ARID1B: variants seen among roughly 807,000 people sequenced by gnomAD.
The protein encoded by ARID1B is AT-rich interactive domain-containing protein 1B.
Under a neutral mutation model 212.3 loss-of-function variants are expected in ARID1B, and 30 were observed. The ratio of observed to expected loss-of-function variants is 0.14; its 90% confidence interval spans 0.11 to 0.19. The LOEUF (loss-of-function observed/expected upper bound fraction) is 0.19, where lower values mean the gene tolerates loss of function less well. ARID1B is among the 10% of genes least tolerant of loss of function. ARID1B has a pLI of 1.00. For missense variants in ARID1B, 2,891 were observed against 3,204.0 expected, an observed-to-expected ratio of 0.90 and a Z score of 2.36; for synonymous variants, 1,402 against 1,301.7, an observed-to-expected ratio of 1.08 and a Z score of -1.66.
intron 2 of ARID1B, among the ~76,000 whole-genome samples, chr6:156,857,241 A>G (rs1263731749): frequency 6.6e-6 from 1 of 152,228 alleles, no homozygotes; most frequent in African/African-American, 2.4e-5. Flanking sequence ...TGAAGTGTCA[A>G]AAGCTGAACT....
chr6:156,920,787 G>C (rs766043602), intron 3 of ARID1B, among the ~76,000 whole-genome samples: 1 of 152,010 alleles, frequency 6.6e-6, no homozygotes, highest in African/African-American at 2.4e-5. Flanking sequence ...TCAGGAAGTC[G>C]GGCAGGGAAG....
At chr6:157,111,172 G>A (rs914436209) in intron 6 of ARID1B, 1 of 153,294 alleles carries the variant, frequency 6.5e-6, no homozygotes, top group African/African-American at 2.4e-5. Flanking sequence ...GAAACCTTTG[G>A]AGAGAAGTGG....
At chr6:156,823,540 T>C (rs1247040362) in intron 1 of ARID1B, among the ~76,000 whole-genome samples, 3 of 152,188 alleles carry the variant, frequency 2.0e-5, no homozygotes, top group African/African-American at 4.8e-5. Flanking sequence ...TCAAAAGTTT[T>C]CTTTAGTTAC....
At chr6:156,797,851 G>A (rs527616770) in intron 1 of ARID1B, among the ~76,000 whole-genome samples, 2 of 152,290 alleles carry the variant, frequency 1.3e-5, no homozygotes, top group Admixed American at 6.5e-5. Flanking sequence ...GTGCCTGGGC[G>A]TTCTAGGGGG....
chr6:157,076,162 C>T (rs1455676436), intron 4 of ARID1B, among the ~76,000 whole-genome samples: 1 of 152,132 alleles, frequency 6.6e-6, no homozygotes, highest in Non-Finnish European at 1.5e-5. Context: ...AGAACAAATA[C>T]ATTTTTTCTT....
chr6:156,803,526 T>G (rs997225533), intron 1 of ARID1B, among the ~76,000 whole-genome samples: 4 of 152,204 alleles, frequency 2.6e-5, no homozygotes, highest in African/African-American at 4.8e-5. Context: ...AGACTTACCT[T>G]TGCCTTCGTT....
At chr6:156,901,770 A>T in intron 3 of ARID1B, 1 of 560,058 alleles carries the variant, frequency 1.8e-6, no homozygotes, top group South Asian at 2.4e-5. Context: ...GTGGCAGCAG[A>T]AAGTGTCAGT....
chr6:157,137,545 GTTT>G (rs954178657), intron 7 of ARID1B, among the ~76,000 whole-genome samples: 16 of 152,160 alleles, frequency 1.1e-4, no homozygotes, highest in Non-Finnish European at 1.5e-5. Context: ...TATCTTGTTT[GTTT>G]TTTGTGTTCT....
At chr6:157,019,330 A>AT in intron 4 of ARID1B, among the ~76,000 whole-genome samples, 1 of 152,296 alleles carries the variant, frequency 6.6e-6, no homozygotes, top group African/African-American at 2.4e-5. Flanking sequence ...TATTTCAGGA[A>AT]TGGTCAGATG....
intron 4 of ARID1B, among the ~76,000 whole-genome samples, chr6:157,044,300 TG>T (rs1457963048): frequency 6.6e-6 from 1 of 152,006 alleles, no homozygotes; most frequent in Non-Finnish European, 1.5e-5. Flanking sequence ...TTTTCAACTG[TG>T]GAAAATGTGT....
At chr6:156,888,695 A>G (rs1038484812) in intron 2 of ARID1B, among the ~76,000 whole-genome samples, 6 of 152,296 alleles carry the variant, frequency 3.9e-5, no homozygotes, top group Non-Finnish European at 8.8e-5. Context: ...CCGTGAGGCA[A>G]GGCAGCTCAG....
At chr6:157,073,696 G>GT (rs1222787560) in intron 4 of ARID1B, among the ~76,000 whole-genome samples, 1 of 152,160 alleles carries the variant, frequency 6.6e-6, no homozygotes, top group Non-Finnish European at 1.5e-5. Flanking sequence ...CTTGCTTAAG[G>GT]TTAGGTGAAG....
intron 4 of ARID1B, among the ~76,000 whole-genome samples, chr6:157,078,647 A>G (rs563016542): frequency 1.3e-5 from 2 of 152,336 alleles, no homozygotes; most frequent in Admixed American, 6.5e-5. Flanking sequence ...GGATGGCAAC[A>G]TGTTCCATAT....
chr6:157,052,410 A>G (rs1482831107), intron 4 of ARID1B, among the ~76,000 whole-genome samples: 1 of 152,174 alleles, frequency 6.6e-6, no homozygotes, highest in Non-Finnish European at 1.5e-5. Context: ...TGCTACTCAA[A>G]TAAGTTTTGT....
At chr6:157,058,100 G>A (rs1404177790) in intron 4 of ARID1B, among the ~76,000 whole-genome samples, 1 of 152,128 alleles carries the variant, frequency 6.6e-6, no homozygotes, top group African/African-American at 2.4e-5. Context: ...CATGCACACC[G>A]AAGTCATTGT....
chr6:157,197,509 C>T (rs1793807499), intron 16 of ARID1B, among the ~76,000 whole-genome samples: 2 of 152,226 alleles, frequency 1.3e-5, no homozygotes, highest in Non-Finnish European at 2.9e-5. Flanking sequence ...TCTTGAGAGT[C>T]CATCCCATGT....
At position 156,778,545 on chromosome 6, in the gene ARID1B, G is replaced by C. The variant is rs1271569386; in HGVS notation, c.865G>C (p.Gly289Arg). The change falls in exon 1 of 20, where the codon GGC becomes CGC. Residue 289 changes from glycine to arginine, a missense_variant. Physicochemically the swap from Gly to Arg is moderately radical, Grantham distance 125. Coordinates refer to ENST00000636930, the MANE Select transcript of ARID1B (RefSeq NM_001374828.1). ...AGGRYEHPGL[G>R]ALGTQQPPVA... ...CGGCCGCTACGAGCACCCGGGCTTG[G>C]GCGCCCTGGGCACGCAGCAGCCGCC... 1 of 1,231,702 alleles carries C rather than the reference G, an allele frequency of 8.1e-7. No individual in the cohort carries two copies. Among genetic ancestry groups the C allele is most frequent in the Non-Finnish European group, 1.0e-6 (1 of 990,614 alleles). 76.3% of individuals were successfully genotyped at this position (1,231,702 alleles called of 1,614,324 possible). A position where few individuals can be genotyped will look rare whatever the true frequency, so the allele number is the denominator to read the frequency against.
intron 2 of ARID1B, among the ~76,000 whole-genome samples, chr6:156,894,791 T>A (rs1227644013): frequency 6.6e-6 from 1 of 152,222 alleles, no homozygotes; most frequent in African/African-American, 2.4e-5. Flanking sequence ...GGTTCTAATA[T>A]CTGTTCCAGT....
Position 157,184,219 on chromosome 6 carries a change from G to C in ARID1B, c.3715-12G>C, listed in dbSNP as rs374771644. 1 of 1,595,212 alleles carries C rather than the reference G, an allele frequency of 6.3e-7. No homozygotes were observed. Among genetic ancestry groups the C allele is most frequent in the African/African-American group, 1.3e-5 (1 of 74,442 alleles). ...TGTTGCAAACCAATGATCCTGCCGT[G>C]TTTTTCACTAGGTTAATAAAAACAA... On this transcript the variant is annotated splice_polypyrimidine_tract_variant and intron_variant, in intron 12 of 19. Coordinates refer to ENST00000636930, the MANE Select transcript of ARID1B (RefSeq NM_001374828.1).
Sources: allele counts gnomAD v4.1 joint callset (sites outside exome capture counted in the v4.1 genomes callset), GRCh38; gene constraint gnomAD v4.1.1; transcripts MANE v1.5; gene names NCBI Gene and HGNC (gene_info 2026-07-23, HGNC 2026-07-21).